IL4: variants seen among roughly 807,000 people sequenced by gnomAD.
IL4 encodes the protein interleukin-4.
A neutral mutation model predicts 17.4 loss-of-function variants in IL4; 10 were observed. The observed-to-expected ratio is 0.57, with a 90% CI of 0.35 to 0.97. The LOEUF is 0.97. Ranked by LOEUF, IL4 falls within the 50% of genes least tolerant of loss-of-function variation. IL4 has a pLI of 0.01. For synonymous variants in IL4, 87 were observed against 79.0 expected (o/e 1.10, Z -0.54); for missense variants, 174 against 187.7 (o/e 0.93, Z 0.43).
chr5:132,674,283 T>C (rs1752337965), intron 1 of IL4, 98 bp downstream of exon 1: 12 of 1,445,036 alleles, frequency 8.3e-6, no homozygotes, highest in Non-Finnish European at 1.2e-5. Context: ...AAGTTGGAAC[T>C]GGTGGTTGGT....
At chr5:132,674,786 T>C (rs1752348051) in intron 2 of IL4, among the ~76,000 whole-genome samples, 1 of 152,268 alleles carries the variant, frequency 6.6e-6, no homozygotes, top group Non-Finnish European at 1.5e-5. Flanking sequence ...AGCTTTGGCA[T>C]AGTGCCTGGA....
rs147196687 is a variant in IL4, at chr5:132,677,235, G to C, written c.184-2479G>C. Among the ~76,000 whole-genome samples the C allele has an allele frequency of 2.6e-5, 4 of 152,332 alleles. No homozygotes were observed. The East Asian group carries it at 7.7e-4, about 29-fold the overall frequency. The stretch of plus-strand genomic sequence containing the variant: ...GTGAGGCTGGTCAAGAACCGAGTTA[G>C]AACTCTCACAGAGTCACTGCCACAG... On this transcript the variant is annotated intron_variant, in intron 2 of 3. Coordinates refer to ENST00000231449, the MANE Select transcript of IL4 (RefSeq NM_000589.4).
At chr5:132,676,586 T>G (rs1752387134) in intron 2 of IL4, among the ~76,000 whole-genome samples, 1 of 152,186 alleles carries the variant, frequency 6.6e-6, no homozygotes, top group Admixed American at 6.5e-5. Flanking sequence ...CCTTCACTCT[T>G]ACCCGTCTCA....
chr5:132,681,188 G>A (rs2149881864), intron 3 of IL4, among the ~76,000 whole-genome samples: 1 of 151,212 alleles, frequency 6.6e-6, no homozygotes, highest in Non-Finnish European at 1.5e-5. Context: ...AAAGGACTGA[G>A]CCTGAGATCA....
intron 3 of IL4, 49 bp from the exon 4 acceptor site, chr5:132,682,437 G>C (rs1040473188): frequency 1.8e-6 from 2 of 1,126,478 alleles, no homozygotes; most frequent in Non-Finnish European, 2.7e-6. Flanking sequence ...AGACAGGCAG[G>C]CAAGACAAAT....
intron 1 of IL4, 71 bp downstream of exon 1, chr5:132,674,256 G>A (rs973676603): frequency 5.8e-5 from 90 of 1,556,730 alleles, no homozygotes; most frequent in East Asian, 2.9e-4. Context: ...GCATGAAAAC[G>A]TTAACAGCTG....
In IL4 at chr5:132,679,873, T is replaced by C. The variant is rs1752453237; in HGVS notation, c.343T>C (p.Trp115Arg). 2 of 1,612,918 alleles carry C rather than the reference T, an allele frequency of 1.2e-6. No individual in the cohort carries two copies. Among genetic ancestry groups the C allele is most frequent in the East Asian group, 4.5e-5 (2 of 44,876 alleles). ...CCTGAAACGGCTCGACAGGAACCTC[T>C]GGGGCCTGGCGGGCTTGGTAAGCTG... ...RFLKRLDRNL[W>R]GLAGLNSCPV... The change falls in exon 3 of 4, where the codon TGG becomes CGG. Residue 115 changes from tryptophan (W) to arginine (R), a missense_variant. Physicochemically the swap from Trp to Arg is moderately radical, Grantham distance 101. Coordinates refer to ENST00000231449, the MANE Select transcript of IL4 (RefSeq NM_000589.4).
In IL4 at chr5:132,679,878, C is replaced by T. The variant is rs1478544140; in HGVS notation, c.348C>T (p.Gly116=). 2 of 1,612,048 alleles carry T rather than the reference C, an allele frequency of 1.2e-6. No homozygotes were observed. The highest frequency in any genetic ancestry group is 1.7e-6 in the Non-Finnish European group (2 of 1,179,240). The change falls in exon 3 of 4, where the codon GGC becomes GGT. Residue 116 remains glycine (G), a synonymous_variant. Transcript: ENST00000231449. ...AACGGCTCGACAGGAACCTCTGGGG[C>T]CTGGCGGGCTTGGTAAGCTGCACTG... The part of the protein sequence containing the change: ...FLKRLDRNLW[G]LAGLNSCPVK...
chr5:132,674,305 G>A, intron 1 of IL4, 120 bp downstream of exon 1: 1 of 1,372,554 alleles, frequency 7.3e-7, no homozygotes, highest in Non-Finnish European at 1.0e-6. Context: ...GCAGTCCAGG[G>A]CACACAGCGA....
chr5:132,676,281 G>C (rs550848008), intron 2 of IL4, among the ~76,000 whole-genome samples: 61 of 152,290 alleles, frequency 4.0e-4, no homozygotes, highest in Admixed American at 7.8e-4. Flanking sequence ...AAGGTTGATT[G>C]GAATCCAGCT....
At chr5:132,674,807 C>A (rs1752348411) in intron 2 of IL4, among the ~76,000 whole-genome samples, 1 of 152,232 alleles carries the variant, frequency 6.6e-6, no homozygotes, top group East Asian at 1.9e-4. Context: ...ACGTAGGAGG[C>A]ACTCAATAAA....
intron 2 of IL4, among the ~76,000 whole-genome samples, chr5:132,675,873 GTGTGTA>G (rs1187435850): frequency 9.5e-5 from 11 of 115,662 alleles, no homozygotes; most frequent in African/African-American, 2.5e-4. Flanking sequence ...GTGTGTGTGT[GTGTGTA>G]TATATGTGTG....
chr5:132,674,327 T>G (rs1581041659), intron 1 of IL4, 132 bp from the exon 2 acceptor site: 1 of 1,333,604 alleles, frequency 7.5e-7, no homozygotes, highest in Non-Finnish European at 1.1e-6. Context: ...GCTTCTCCCC[T>G]GCCACTCTTT....
At position 132,674,558 on chromosome 5, in the gene IL4, A is replaced by G. The variant is rs748576018; in HGVS notation, c.183+52A>G. 10 of 1,439,012 alleles carry G rather than the reference A, an allele frequency of 6.9e-6. No individual in the cohort carries two copies. In the African/African-American group the frequency reaches 1.4e-4, roughly 20 times the overall value. 89.1% of individuals were successfully genotyped at this position (1,439,012 alleles called of 1,614,324 possible). A position where few individuals can be genotyped will look rare whatever the true frequency, so the allele number is the denominator to read the frequency against. Reference sequence around the variant, plus strand: ...TAGCAAATGGGGAGATCCATCCCCAAATGTCTGAACAAGAAACTTGTCTAA... The same window carrying G: ...TAGCAAATGGGGAGATCCATCCCCAGATGTCTGAACAAGAAACTTGTCTAA... On this transcript the variant is annotated intron_variant, in intron 2 of 3. Transcript: ENST00000231449.
At chr5:132,679,383 G>T (rs548326063) in intron 2 of IL4, among the ~76,000 whole-genome samples, 1 of 152,216 alleles carries the variant, frequency 6.6e-6, no homozygotes, top group Non-Finnish European at 1.5e-5. Flanking sequence ...GGGCTGTAGC[G>T]ACAGATGGTC....
At chr5:132,677,473 C>T (rs185153935) in intron 2 of IL4, among the ~76,000 whole-genome samples, 3 of 152,258 alleles carry the variant, frequency 2.0e-5, no homozygotes, top group African/African-American at 4.8e-5. Context: ...CCCCTCGCTG[C>T]GATACCAGAG....
chr5:132,681,482 G>A (rs1752487832), intron 3 of IL4, among the ~76,000 whole-genome samples: 1 of 152,182 alleles, frequency 6.6e-6, no homozygotes, highest in Admixed American at 6.5e-5. Context: ...GTGGCGAGAG[G>A]AGACAAAGAA....
chr5:132,674,047 A>G lies in IL4; in HGVS notation c.-4A>G. On this transcript the variant is annotated 5_prime_UTR_variant, in exon 1 of 4. Coordinates refer to ENST00000231449, the MANE Select transcript of IL4 (RefSeq NM_000589.4). ...ACATTGTCACTGCAAATCGACACCTATTAATGGGTCTCACCTCCCAACTGC... is the reference window on the plus strand; with the variant it reads ...ACATTGTCACTGCAAATCGACACCTGTTAATGGGTCTCACCTCCCAACTGC... 1.2e-6 allele frequency: 2 copies of G among 1,614,084 alleles called. No homozygotes were observed. The highest frequency in any genetic ancestry group is 2.2e-5 in the South Asian group (2 of 91,048).
At chr5:132,679,657 T>C in intron 2 of IL4, 57 bp from the exon 3 acceptor site, 2 of 1,450,992 alleles carry the variant, frequency 1.4e-6, no homozygotes, top group Non-Finnish European at 1.9e-6. Context: ...GAAAAATCTC[T>C]CTCCCATCCT....
Sources: gnomAD v4.1 joint callset for allele counts (sites outside exome capture counted in the v4.1 genomes callset) on GRCh38, gnomAD v4.1.1 for gene constraint, MANE v1.5 for transcripts, NCBI Gene and HGNC (gene_info 2026-07-23, HGNC 2026-07-21) for gene names.